SCHIP1: variants seen among roughly 807,000 people sequenced by gnomAD.
SCHIP1 encodes the protein schwannomin-interacting protein 1.
In SCHIP1, 8 loss-of-function variants were observed where a neutral mutation model predicts 29.7. The ratio of observed to expected loss-of-function variants is 0.27; its 90% CI spans 0.16 to 0.49. The LOEUF (loss-of-function observed/expected upper bound fraction) is 0.49. Among genes scored for constraint, SCHIP1 ranks in the 20% least tolerant of loss-of-function variants. The pLI is 0.99. For missense variants in SCHIP1, 193 were observed against 294.6 expected (o/e 0.66, Z 2.52); for synonymous variants, 76 against 94.9 (o/e 0.80, Z 1.16).
At chr3:159,728,535 G>A in the SCHIP1 span, among the ~76,000 whole-genome samples, 1 of 152,196 alleles carries the variant, frequency 6.6e-6, no homozygotes, top group Admixed American at 6.5e-5. Context: ...GCTGTCTTAT[G>A]AGATAAAGGG....
chr3:159,774,606 A>G, the SCHIP1 span, among the ~76,000 whole-genome samples: 9 of 152,146 alleles, frequency 5.9e-5, no homozygotes, highest in Non-Finnish European at 1.0e-4. Context: ...AAGTGTAGGT[A>G]GTTCAAAAGA....
chr3:159,384,552 A>G, the SCHIP1 span, among the ~76,000 whole-genome samples: 1 of 149,620 alleles, frequency 6.7e-6, no homozygotes, highest in Non-Finnish European at 1.5e-5. Flanking sequence ...TTCATCAAGG[A>G]TATTGGTCTA....
At chr3:159,399,322 G>A in the SCHIP1 span, among the ~76,000 whole-genome samples, 1 of 151,808 alleles carries the variant, frequency 6.6e-6, no homozygotes, top group Non-Finnish European at 1.5e-5. Context: ...TTATCATCTT[G>A]TATTGTATTG....
chr3:159,627,857 A>T, the SCHIP1 span, among the ~76,000 whole-genome samples: 678 of 152,250 alleles, frequency 4.5e-3, 2 homozygotes, highest in African/African-American at 0.015. Context: ...GTGTTTGCTG[A>T]CTCTTACGTG....
chr3:159,422,980 C>T, the SCHIP1 span, among the ~76,000 whole-genome samples: 1 of 152,096 alleles, frequency 6.6e-6, no homozygotes, highest in Non-Finnish European at 1.5e-5. Context: ...ATTTCAGGTT[C>T]CAACACCCTT....
chr3:159,539,684 G>A, the SCHIP1 span, among the ~76,000 whole-genome samples: 2 of 135,830 alleles, frequency 1.5e-5, 1 homozygote, highest in Non-Finnish European at 3.4e-5. Flanking sequence ...ACAATAGGAC[G>A]TCACTCTCCA....
At chr3:159,418,281 C>T in the SCHIP1 span, among the ~76,000 whole-genome samples, 1 of 152,054 alleles carries the variant, frequency 6.6e-6, no homozygotes, top group Non-Finnish European at 1.5e-5. Context: ...TTTTGCTAGC[C>T]AAACAACACT....
chr3:159,858,358 T>G (rs1713640400), intron 1 of SCHIP1, among the ~76,000 whole-genome samples: 1 of 152,220 alleles, frequency 6.6e-6, no homozygotes, highest in African/African-American at 2.4e-5. Context: ...CGTAGCCATC[T>G]TTGTAGATTG....
chr3:159,420,108 T>A, the SCHIP1 span, among the ~76,000 whole-genome samples: 1 of 152,192 alleles, frequency 6.6e-6, no homozygotes, highest in Admixed American at 6.5e-5. Flanking sequence ...GTCTTAAATA[T>A]CACCAGGGAA....
the SCHIP1 span, among the ~76,000 whole-genome samples, chr3:159,793,594 G>C: frequency 2.0e-5 from 3 of 152,152 alleles, no homozygotes; most frequent in African/African-American, 7.2e-5. Flanking sequence ...GTCTCACTCT[G>C]TCGCCCAGGC....
the SCHIP1 span, among the ~76,000 whole-genome samples, chr3:159,769,772 A>G: frequency 6.6e-6 from 1 of 152,200 alleles, no homozygotes; most frequent in African/African-American, 2.4e-5. Flanking sequence ...AAAATAAAAT[A>G]AAAATAGCTT....
chr3:159,843,906 T>C (rs547996350), intron 1 of SCHIP1, among the ~76,000 whole-genome samples: 7 of 151,580 alleles, frequency 4.6e-5, no homozygotes, highest in African/African-American at 1.7e-4. Flanking sequence ...GTCCTACTCC[T>C]TCCCCTCCTC....
the SCHIP1 span, among the ~76,000 whole-genome samples, chr3:159,762,562 G>A: frequency 6.6e-6 from 1 of 152,278 alleles, no homozygotes; most frequent in East Asian, 1.9e-4. Context: ...GCCCAAATCT[G>A]GAAGTTCAGA....
At chr3:159,429,073 C>T in the SCHIP1 span, among the ~76,000 whole-genome samples, 3 of 151,414 alleles carry the variant, frequency 2.0e-5, no homozygotes, top group East Asian at 5.8e-4. Context: ...GGAGGGATAG[C>T]ACTGGGAGAT....
chr3:159,333,423 AAATAC>A, the SCHIP1 span, among the ~76,000 whole-genome samples: 1 of 152,196 alleles, frequency 6.6e-6, no homozygotes, highest in Non-Finnish European at 1.5e-5. Flanking sequence ...TTATTATAAG[AAATAC>A]AATTGCTGAA....
At chr3:159,508,744 G>C in the SCHIP1 span, among the ~76,000 whole-genome samples, 4 of 152,220 alleles carry the variant, frequency 2.6e-5, no homozygotes, top group African/African-American at 9.6e-5. Context: ...TCATTCAGGA[G>C]AAGATTGTTC....
the SCHIP1 span, among the ~76,000 whole-genome samples, chr3:159,369,250 A>T: frequency 2.0e-4 from 31 of 152,316 alleles, no homozygotes; most frequent in African/African-American, 7.2e-4. Flanking sequence ...CTAGTCCAGC[A>T]TCACTTTTAT....
the SCHIP1 span, among the ~76,000 whole-genome samples, chr3:159,809,617 G>A: frequency 1.8e-4 from 26 of 147,920 alleles, no homozygotes; most frequent in Non-Finnish European, 3.3e-4. Context: ...CCGAGATGGC[G>A]CCATTGTACT....
chr3:159,741,879 C>T, the SCHIP1 span, among the ~76,000 whole-genome samples: 90 of 152,258 alleles, frequency 5.9e-4, 2 homozygotes, highest in South Asian at 0.017. Flanking sequence ...TTTGATCAGT[C>T]TTAGACTAAT....
Sources: allele counts gnomAD v4.1 joint callset (sites outside exome capture counted in the v4.1 genomes callset), GRCh38; gene constraint gnomAD v4.1.1; transcripts MANE v1.5; gene names NCBI Gene and HGNC (gene_info 2026-07-23, HGNC 2026-07-21).